The following SPSB2 variants were observed in gnomAD, a reference collection of about 807,000 sequenced individuals.
SPSB2 encodes the protein splA/ryanodine receptor domain and SOCS box containing 2, also known as SPRY domain-containing SOCS box protein 2.
Under a neutral mutation model 19.2 loss-of-function variants are expected in SPSB2, and 25 were observed. The observed-to-expected ratio is 1.30, with a 90% CI of 0.95 to 1.82. SPSB2 has a LOEUF of 1.82. SPSB2 is among the 40% of genes most tolerant of loss of function. The pLI, the probability that SPSB2 is intolerant of heterozygous loss-of-function variation, is 0.00. For missense variants in SPSB2, 413 were observed against 344.9 expected, an observed-to-expected ratio of 1.20 and a Z score of -1.56; for synonymous variants, 153 against 154.9, an observed-to-expected ratio of 0.99 and a Z score of 0.09.
In SPSB2 at chr12:6,872,346, AG is replaced by A. The variant is rs1944612819; in HGVS notation, c.555del (p.Tyr186ThrfsTer9). The A allele has an allele frequency of 6.2e-7, 1 of 1,614,168 alleles. No homozygotes were observed. Among genetic ancestry groups the A allele is most frequent in the Non-Finnish European group, 8.5e-7 (1 of 1,180,004 alleles). Reference protein sequence around the residue: ...EGTLGYAIGGTYLGPAFRGLK... With the variant: ...EGTLGYAIGGXYLGPAFRGLK... ...AGTCCGCGGAATGCTGGCCCCAGGT[AG>A]GTGCCCCCAATAGCGTAGCCCAGAG... On this transcript the variant is annotated frameshift_variant, in exon 2 of 3. Coordinates refer to ENST00000524270, the MANE Select transcript of SPSB2 (RefSeq NM_032641.4). LOFTEE classifies it high-confidence loss of function.
At position 6,872,820 on chromosome 12, in the gene SPSB2, C is replaced by T. The variant is rs782672712; in HGVS notation, c.82G>A (p.Gly28Ser). Residue 28 changes from glycine (G) to serine (S), a missense_variant, in exon 2 of 3, where the codon GGC becomes AGC. Physicochemically the swap from Gly to Ser is moderately conservative, Grantham distance 56 (BLOSUM62 0). Transcript: ENST00000524270. ...GGTGCAGACAGCAGCTCTTCCAAGC[C>T]CTCGGGACAGGAGAGGTCAGGGTAC... is the stretch of plus-strand genomic sequence containing the variant. ...ALYPDLSCPE[G>S]LEELLSAPPP... 6.2e-7 allele frequency: 1 copy of T among 1,611,872 alleles called. No individual in the cohort carries two copies. The highest frequency in any genetic ancestry group is 1.1e-5 in the South Asian group (1 of 91,076).
chr12:6,872,264 C>T lies in SPSB2; in HGVS notation c.638G>A (p.Arg213His), dbSNP rs1944610506. ...TCTCCTTTCGCCCAGGTAGCGGATG[C>T]GGACCTGGCACTGGCCCCAGACAGC... ...VSAVWGQCQV[R>H]IRYLGERRAE... is the part of the protein sequence containing the mutation. Residue 213 changes from arginine (R) to histidine (H), a missense_variant, in exon 2 of 3, where the codon CGC (arginine) becomes CAC (histidine). Arg to His is a conservative substitution (Grantham distance 29). Coordinates refer to ENST00000524270, the MANE Select transcript of SPSB2 (RefSeq NM_032641.4). 2 of 1,614,014 alleles carry T rather than the reference C, an allele frequency of 1.2e-6. No homozygotes were observed. The highest frequency in any genetic ancestry group is 2.7e-5 in the African/African-American group (2 of 74,932).
In SPSB2 at chr12:6,872,877, C is replaced by A; in HGVS notation, c.25G>T (p.Gly9Cys). The A allele has an allele frequency of 6.3e-7, 1 of 1,588,678 alleles. No individual in the cohort carries two copies. Among genetic ancestry groups the A allele is most frequent in the South Asian group, 1.1e-5 (1 of 89,534 alleles). Residue 9 changes from glycine (G) to cysteine (C), a missense_variant, in exon 2 of 3, where the codon GGC (glycine) becomes TGC (cysteine). Transcript: ENST00000524270. ...TGTGGCGTGGGGGTGCTGCTGCTGC[C>A]CCCTGCCAGAGCTGTCTGGCCCATG... MGQTALAGGSSSTPTPQAL... is the reference protein window; with the variant it reads MGQTALAGCSSSTPTPQAL...
rs149136882 is a variant in SPSB2 at position 6,872,463 on chromosome 12, G to A, written c.439C>T (p.Pro147Ser). The change falls in exon 2 of 3, where the codon CCC becomes TCC. Residue 147 changes from proline (P) to serine (S), a missense_variant. Coordinates refer to ENST00000524270, the MANE Select transcript of SPSB2 (RefSeq NM_032641.4). ...CCCGCTGGATACTGGGGGGCTCCGG[G>A]CCCCTTGCTCTGATGGTACAGCTTC... ...RGKLYHQSKG[P>S]GAPQYPAGTQ... The A allele has an allele frequency of 2.3e-4, 365 of 1,613,872 alleles. No individual in the cohort carries two copies. Among genetic ancestry groups the A allele is most frequent in the Non-Finnish European group, 3.0e-4 (357 of 1,180,018 alleles).
In SPSB2 at chr12:6,872,666, C is replaced by T. The variant is rs1555134062; in HGVS notation, c.236G>A (p.Arg79Gln). 2 of 1,612,450 alleles carry T rather than the reference C, an allele frequency of 1.2e-6. No individual in the cohort carries two copies. The highest frequency in any genetic ancestry group is 1.7e-6 in the Non-Finnish European group (2 of 1,179,990). The change falls in exon 2 of 3, where the codon CGG becomes CAG. Residue 79 changes from arginine to glutamine, a missense_variant. By Grantham distance (43) the Arg-to-Gln change is conservative. Transcript: ENST00000524270. Reference protein sequence around the residue: ...RPVAQSTDGARGKRGYSRGLH... With the variant: ...RPVAQSTDGAQGKRGYSRGLH... ...GCCCCTTGAATAGCCCCTCTTACCC[C>T]GGGCCCCATCAGTGCTCTGGGCCAC...
Position 6,872,449 on chromosome 12 carries a change from C to A in SPSB2, c.453G>T (p.Gln151His), listed in dbSNP as rs782522840. ...GCTCACCCTGAGTTCCCGCTGGATA[C>A]TGGGGGGCTCCGGGCCCCTTGCTCT... ...YHQSKGPGAPQYPAGTQGEQL... is the reference protein window; with the variant it reads ...YHQSKGPGAPHYPAGTQGEQL... Residue 151 changes from glutamine (Q) to histidine (H), a missense_variant, in exon 2 of 3, where the codon CAG (glutamine) becomes CAT (histidine). Gln to His is a conservative substitution (Grantham distance 24, BLOSUM62 0). Coordinates refer to ENST00000524270, the MANE Select transcript of SPSB2 (RefSeq NM_032641.4). 6.2e-7 allele frequency: 1 copy of A among 1,614,180 alleles called. No homozygotes were observed. Among genetic ancestry groups the A allele is most frequent in the South Asian group, 1.1e-5 (1 of 91,092 alleles).
In SPSB2 at chr12:6,872,219, C is replaced by T. The variant is rs782258781; in HGVS notation, c.664+19G>A. On this transcript the variant is annotated intron_variant, in intron 2 of 2. Transcript: ENST00000524270. ...CACCAGGGACAGAAAGTTCTCCCCA[C>T]GTCTGCCCCAGGCCTCACCTCTCCT... The T allele has an allele frequency of 6.2e-7, 1 of 1,614,026 alleles. No individual in the cohort carries two copies. Among genetic ancestry groups the T allele is most frequent in the South Asian group, 1.1e-5 (1 of 91,088 alleles).
chr12:6,872,692 G>A lies in SPSB2; in HGVS notation c.210C>T (p.Pro70=), dbSNP rs1336940455. 5.6e-6 allele frequency: 9 copies of A among 1,612,512 alleles called. No homozygotes were observed. The highest frequency in any genetic ancestry group is 7.6e-6 in the Non-Finnish European group (9 of 1,180,018). Residue 70 remains proline, a synonymous_variant, in exon 2 of 3, where the codon CCC becomes CCT. Coordinates refer to ENST00000524270, the MANE Select transcript of SPSB2 (RefSeq NM_032641.4). ...KEGGLYFERR[P]VAQSTDGARG... ...GGGCCCCATCAGTGCTCTGGGCCACGGGCCGCCGCTCAAAGTACAACCCTC... is the reference window on the plus strand; with the variant it reads ...GGGCCCCATCAGTGCTCTGGGCCACAGGCCGCCGCTCAAAGTACAACCCTC...
intron 1 of SPSB2, 34 bp downstream of exon 1, chr12:6,873,212 T>G: frequency 7.2e-6 from 2 of 276,394 alleles, no homozygotes; most frequent in Non-Finnish European, 1.4e-5. Context: ...CCATCCCCCT[T>G]ACTCGCCCGG....
At position 6,872,247 on chromosome 12, in the gene SPSB2, C is replaced by T. The variant is rs782023746; in HGVS notation, c.655G>A (p.Glu219Lys). 1 of 1,614,150 alleles carries T rather than the reference C, an allele frequency of 6.2e-7. No homozygotes were observed. The highest frequency in any genetic ancestry group is 2.2e-5 in the East Asian group (1 of 44,880). Reference protein sequence around the residue: ...QCQVRIRYLGERRAEPHSLLH... With the variant: ...QCQVRIRYLGKRRAEPHSLLH... ...CTGCCCCAGGCCTCACCTCTCCTTTCGCCCAGGTAGCGGATGCGGACCTGG... is the reference window on the plus strand; with the variant it reads ...CTGCCCCAGGCCTCACCTCTCCTTTTGCCCAGGTAGCGGATGCGGACCTGG... Residue 219 changes from glutamate to lysine, a missense_variant, in exon 2 of 3, where the codon GAA (glutamate) becomes AAA (lysine). Transcript: ENST00000524270.
intron 2 of SPSB2, chr12:6,871,948 T>TA: frequency 7.1e-7 from 1 of 1,409,318 alleles, no homozygotes; most frequent in Non-Finnish European, 9.3e-7. Flanking sequence ...CAGGGGTTGA[T>TA]ATCTCCTGAA....
chr12:6,872,138 G>C (rs781915541), intron 2 of SPSB2, 100 bp downstream of exon 2: 2 of 1,612,986 alleles, frequency 1.2e-6, no homozygotes, highest in South Asian at 1.1e-5. Flanking sequence ...AGGCAGGCTG[G>C]ATGAAGGTCC....
intron 2 of SPSB2, chr12:6,871,649 C>A: frequency 2.4e-6 from 1 of 415,992 alleles, no homozygotes; most frequent in Non-Finnish European, 4.4e-6. Context: ...CTCTACAGCC[C>A]ACACAACTGC....
chr12:6,871,447 G>T, intron 2 of SPSB2, 128 bp from the exon 3 acceptor site: 1 of 1,026,250 alleles, frequency 9.7e-7, no homozygotes, highest in Non-Finnish European at 1.4e-6. Context: ...GCTGAAAGGG[G>T]AATTTGAGAT....
Position 6,872,497 on chromosome 12 carries a change from G to C in SPSB2, c.405C>G (p.Ile135Met). 2.5e-6 allele frequency: 4 copies of C among 1,612,750 alleles called. No individual in the cohort carries two copies. Among genetic ancestry groups the C allele is most frequent in the East Asian group, 2.2e-5 (1 of 44,864 alleles). ...TCTGATGGTACAGCTTCCCCCGCCC[G>C]ATGTCCCAGCCCCACGACTCGCTGT... The part of the protein sequence containing the change: ...GSNSESWGWD[I>M]GRGKLYHQSK... The change falls in exon 2 of 3, where the codon ATC becomes ATG. Residue 135 changes from isoleucine (I) to methionine (M), a missense_variant. By Grantham distance (10) the Ile-to-Met change is conservative. Coordinates refer to ENST00000524270, the MANE Select transcript of SPSB2 (RefSeq NM_032641.4).
At position 6,871,228 on chromosome 12, in the gene SPSB2, C is replaced by T. The variant is rs782591505; in HGVS notation, c.756G>A (p.Leu252=). 4.3e-6 allele frequency: 7 copies of T among 1,611,518 alleles called. No homozygotes were observed. In the African/African-American group the frequency reaches 9.3e-5, roughly 22 times the overall value. The change falls in exon 3 of 3, where the codon TTG becomes TTA. Residue 252 remains leucine (L), a synonymous_variant. Transcript: ENST00000524270. ...GCAGGTAGCGCTTCATGGCAGGGGG[C>T]AAGGGCAGGGCAGACACCTGGCCGA... ...TRLGQVSALP[L]PPAMKRYLLY...
In SPSB2 at chr12:6,872,737, C is replaced by T. The variant is rs782640274; in HGVS notation, c.165G>A (p.Glu55=). The change falls in exon 2 of 3, where the codon GAG becomes GAA. Residue 55 remains glutamate (E), a synonymous_variant. Coordinates refer to ENST00000524270, the MANE Select transcript of SPSB2 (RefSeq NM_032641.4). ...ACCCTCCTTCCTTGACCTCGATGTT[C>T]TCTGAACAGTCTTTGGGGTTCCAAC... ...RHGWNPKDCS[E]NIEVKEGGLY... The T allele has an allele frequency of 1.7e-5, 27 of 1,612,750 alleles. No individual in the cohort carries two copies. In the Admixed American group the frequency reaches 3.3e-4, roughly 20 times the overall value.
chr12:6,872,597 G>A lies in SPSB2; in HGVS notation c.305C>T (p.Thr102Met), dbSNP rs201883030. ...EISWPLEQRG[T>M]HAVVGVATAL... ...CGTGGCCACGCCCACCACGGCATGC[G>A]TGCCCCTCTGCTCTAGGGGCCAGCT... Residue 102 changes from threonine (T) to methionine (M), a missense_variant, in exon 2 of 3, where the codon ACG becomes ATG. Coordinates refer to ENST00000524270, the MANE Select transcript of SPSB2 (RefSeq NM_032641.4). 1.9e-6 allele frequency: 3 copies of A among 1,608,176 alleles called. No homozygotes were observed. Among genetic ancestry groups the A allele is most frequent in the African/African-American group, 1.3e-5 (1 of 75,030 alleles).
Position 6,871,851 on chromosome 12 carries a change from G to A in SPSB2, c.664+387C>T, listed in dbSNP as rs781892865. The A allele has an allele frequency of 1.6e-5, 10 of 628,718 alleles. No homozygotes were observed. The South Asian group carries it at 2.5e-4, about 16-fold the overall frequency. 38.9% of individuals were successfully genotyped at this position (628,718 alleles called of 1,614,324 possible). A position where few individuals can be genotyped will look rare whatever the true frequency, so the allele number is the denominator to read the frequency against. ...AGACAGGTTAGAGCCCAGGGAATCCGGTATACAGCCTGGGTACCTGGCTCT... is the reference window on the plus strand; with the variant it reads ...AGACAGGTTAGAGCCCAGGGAATCCAGTATACAGCCTGGGTACCTGGCTCT... On this transcript the variant is annotated intron_variant, in intron 2 of 2. Coordinates refer to ENST00000524270, the MANE Select transcript of SPSB2 (RefSeq NM_032641.4).
Sources: gnomAD v4.1 joint callset for allele counts on GRCh38, gnomAD v4.1.1 for gene constraint, MANE v1.5 for transcripts, NCBI Gene and HGNC (gene_info 2026-07-23, HGNC 2026-07-21) for gene names.